The following ITGB6 variants were observed in gnomAD, a reference collection of about 807,000 sequenced individuals.
ITGB6 encodes integrin subunit beta 6.
Under a neutral mutation model 84.5 loss-of-function variants are expected in ITGB6, and 80 were observed. The observed-to-expected ratio is 0.95, with a 90% CI of 0.79 to 1.14. The LOEUF is 1.14. Among genes scored for constraint, ITGB6 ranks in the 50% most tolerant of loss-of-function variants. The pLI is 0.00. For missense variants in ITGB6, 1,006 were observed against 968.0 expected (o/e 1.04, Z -0.52); for synonymous variants, 383 against 354.9 (o/e 1.08, Z -0.89).
At chr2:160,139,126 T>C (rs189780547) in intron 8 of ITGB6, among the ~76,000 whole-genome samples, 12 of 152,342 alleles carry the variant, frequency 7.9e-5, no homozygotes, top group Admixed American at 7.8e-4. Flanking sequence ...TTTTGCTTTC[T>C]CTATTCCTTG....
chr2:160,110,002 TC>T (rs1697066166), intron 13 of ITGB6, among the ~76,000 whole-genome samples: 1 of 152,256 alleles, frequency 6.6e-6, no homozygotes, highest in Admixed American at 6.5e-5. Context: ...TTTACCTGTT[TC>T]TTTTACTTTT....
At chr2:160,199,884 T>A in intron 1 of ITGB6, 119 bp downstream of exon 1, 1 of 765,148 alleles carries the variant, frequency 1.3e-6, no homozygotes, top group Non-Finnish European at 2.2e-6. Flanking sequence ...GTTCACTCAG[T>A]CACAAAAGAG....
intron 4 of ITGB6, among the ~76,000 whole-genome samples, chr2:160,189,889 A>G (rs1686067868): frequency 6.6e-6 from 1 of 152,212 alleles, no homozygotes; most frequent in South Asian, 2.1e-4. Context: ...ATGCTGCTAT[A>G]AAGACACATG....
intron 4 of ITGB6, among the ~76,000 whole-genome samples, chr2:160,181,091 G>C (rs977248451): frequency 3.0e-4 from 46 of 152,142 alleles, no homozygotes; most frequent in Admixed American, 2.1e-3. Context: ...CTAGCTGCCG[G>C]AGTTTTTTTT....
intron 4 of ITGB6, among the ~76,000 whole-genome samples, chr2:160,192,124 G>A (rs771719549): frequency 6.6e-6 from 1 of 152,076 alleles, no homozygotes; most frequent in Non-Finnish European, 1.5e-5. Flanking sequence ...AAATTGACAA[G>A]TTGATTCTAA....
In ITGB6 at chr2:160,200,073, T is replaced by C. The variant is rs199606196; in HGVS notation, c.-10A>G. 9.1e-5 allele frequency: 147 copies of C among 1,613,334 alleles called. No homozygotes were observed. The African/African-American group carries it at 1.8e-3, about 19-fold the overall frequency. The stretch of plus-strand genomic sequence containing the variant: ...GCAGTTCAATCCCCATTCGTTTCAG[T>C]TCTTGCTGTGCAGACCGATTAAAAA... On this transcript the variant is annotated 5_prime_UTR_variant, in exon 1 of 15. Coordinates refer to ENST00000283249, the MANE Select transcript of ITGB6 (RefSeq NM_000888.5).
chr2:160,123,094 A>T (rs1201385945), intron 12 of ITGB6, among the ~76,000 whole-genome samples: 1 of 152,260 alleles, frequency 6.6e-6, no homozygotes, highest in Non-Finnish European at 1.5e-5. Flanking sequence ...TTTAAAAGGT[A>T]TTGCCAGTTA....
chr2:160,162,393 C>G (rs762395325), intron 7 of ITGB6, among the ~76,000 whole-genome samples: 1 of 151,836 alleles, frequency 6.6e-6, no homozygotes, highest in Non-Finnish European at 1.5e-5. Context: ...TATATACACA[C>G]ACACATATTT....
chr2:160,174,113 G>A lies in ITGB6; in HGVS notation c.620C>T (p.Thr207Ile), dbSNP rs1199690484. The change falls in exon 5 of 15, where the codon ACA becomes ATA. Residue 207 changes from threonine (T) to isoleucine (I), a missense_variant. Coordinates refer to ENST00000283249, the MANE Select transcript of ITGB6 (RefSeq NM_000888.5). The stretch of plus-strand genomic sequence containing the variant: ...TGGCAAAATGTGCTTGAATCCAAAT[G>A]TAGGTAAACAGAAGTATGGAATACT... ...CSSIPYFCLPTFGFKHILPLT... is the reference protein window; with the variant it reads ...CSSIPYFCLPIFGFKHILPLT... 6.2e-7 allele frequency: 1 copy of A among 1,610,162 alleles called. No homozygotes were observed. Among genetic ancestry groups the A allele is most frequent in the Admixed American group, 1.7e-5 (1 of 59,020 alleles).
intron 1 of ITGB6, 33 bp downstream of exon 1, chr2:160,199,970 C>A (rs200533621): frequency 6.4e-7 from 1 of 1,551,876 alleles, no homozygotes; most frequent in Admixed American, 1.7e-5. Context: ...AAGCATACCA[C>A]GAAAGTAATA....
chr2:160,146,292 C>A (rs1351684573), intron 7 of ITGB6, among the ~76,000 whole-genome samples: 1 of 152,168 alleles, frequency 6.6e-6, no homozygotes. Context: ...ATGATCAAAT[C>A]TATCACATTT....
chr2:160,174,941 G>A (rs1262276550), intron 4 of ITGB6, among the ~76,000 whole-genome samples: 1 of 152,236 alleles, frequency 6.6e-6, no homozygotes, highest in African/African-American at 2.4e-5. Context: ...TGTTAGAAAT[G>A]CAAAATCTGA....
At chr2:160,139,757 T>C (rs1559141373) in intron 8 of ITGB6, among the ~76,000 whole-genome samples, 1 of 152,228 alleles carries the variant, frequency 6.6e-6, no homozygotes, top group Non-Finnish European at 1.5e-5. Flanking sequence ...GAGCATCTCT[T>C]ATGAACCAGG....
At chr2:160,174,284 G>C (rs377728518) in intron 4 of ITGB6, 145 bp from the exon 5 acceptor site, 2 of 630,638 alleles carry the variant, frequency 3.2e-6, no homozygotes, top group South Asian at 2.0e-5. Flanking sequence ...GAATCTCACT[G>C]TTAAGGTTGT....
rs140010793 is a variant in ITGB6 at position 160,132,501 on chromosome 2, T to C, written c.1660+4933A>G. The stretch of plus-strand genomic sequence containing the variant: ...TCCCCCAAAATTAGTCTTTTTTATA[T>C]GTTCCTAACGCTGTCTTTTAAAAAC... On this transcript the variant is annotated intron_variant, in intron 10 of 14. Transcript: ENST00000283249. 2.3e-3 allele frequency among the ~76,000 whole-genome samples: 344 copies of C among 152,258 alleles called. 3 individuals carry two copies. Among genetic ancestry groups the C allele is most frequent in the African/African-American group, 7.6e-3 (317 of 41,558 alleles).
chr2:160,166,073 T>C (rs1040397439), intron 7 of ITGB6, among the ~76,000 whole-genome samples: 2 of 152,210 alleles, frequency 1.3e-5, no homozygotes, highest in African/African-American at 2.4e-5. Context: ...GAGAAAGACC[T>C]GTTATTCTCC....
rs2279012 is a variant in ITGB6, at chr2:160,195,944, A to G, written c.346+272T>C. Among the ~76,000 whole-genome samples, 187 of 152,296 alleles carry G rather than the reference A, an allele frequency of 1.2e-3. 4 individuals carry two copies. In the East Asian group the frequency reaches 0.034, roughly 27 times the overall value. On this transcript the variant is annotated intron_variant, in intron 3 of 14. Coordinates refer to ENST00000283249, the MANE Select transcript of ITGB6 (RefSeq NM_000888.5). ...AAAGAGAGTTTAAATCTACATTACA[A>G]CCCTTGAAGAAATGTGAGGTAAGCC...
At chr2:160,130,476 C>A (rs1010046849) in intron 10 of ITGB6, among the ~76,000 whole-genome samples, 1 of 152,054 alleles carries the variant, frequency 6.6e-6, no homozygotes, top group African/African-American at 2.4e-5. Context: ...GTAAGTCGAG[C>A]AACACACTAA....
In ITGB6 at chr2:160,196,276, T is replaced by G. The variant is rs768539900; in HGVS notation, c.286A>C (p.Lys96Gln). The G allele has an allele frequency of 1.9e-6, 3 of 1,614,010 alleles. No individual in the cohort carries two copies. The highest frequency in any genetic ancestry group is 2.5e-6 in the Non-Finnish European group (3 of 1,179,994). The change falls in exon 3 of 15, where the codon AAA (lysine) becomes CAA (glutamine). Residue 96 changes from lysine (K) to glutamine (Q), a missense_variant. Transcript: ENST00000283249. ...KNKPLSVGRQ[K>Q]NSSDIVQIAP... ...ATCTGAACAATGTCAGAACTATTTT[T>G]CTGTCTGCCTACACTGAGAGGCTTA...
Sources: gnomAD v4.1 joint callset for allele counts (sites outside exome capture counted in the v4.1 genomes callset) on GRCh38, gnomAD v4.1.1 for gene constraint, MANE v1.5 for transcripts, NCBI Gene and HGNC (gene_info 2026-07-23, HGNC 2026-07-21) for gene names.